Variants in NISCH observed in about 807,000 individuals in gnomAD.
NISCH encodes nischarin, also known as I-1 receptor candidate protein.
NISCH carries 55 observed loss-of-function variants against 138.4 expected under a neutral mutation model. The observed-to-expected ratio is 0.40, with a 90% CI of 0.32 to 0.50. The LOEUF (loss-of-function observed/expected upper bound fraction) is 0.50. NISCH is among the 20% of genes least tolerant of loss of function. NISCH has a pLI of 0.71. For synonymous variants in NISCH, 860 were observed against 861.5 expected (o/e 1.00, Z 0.03); for missense variants, 1,643 against 2,005.5 (o/e 0.82, Z 3.45).
At chr3:52,465,928 GA>G (rs1312958708) in intron 3 of NISCH, among the ~76,000 whole-genome samples, 1 of 152,212 alleles carries the variant, frequency 6.6e-6, no homozygotes, top group African/African-American at 2.4e-5. Context: ...GTTCGGGAAA[GA>G]AAAGGAATTC....
In NISCH at chr3:52,464,517, CTTTTTTTTTTT is replaced by C. The variant is rs71084185; in HGVS notation, c.360+5688_360+5698del. Among the ~76,000 whole-genome samples, 4 of 75,820 alleles carry C rather than the reference CTTTTTTTTTTT, an allele frequency of 5.3e-5. No individual in the cohort carries two copies. In the Admixed American group the frequency reaches 6.6e-4, roughly 13 times the overall value. The allele number at this position is 75,820 out of a possible 152,430, so 49.7% of individuals were successfully genotyped here. Reference sequence around the variant, plus strand: ...TACTTTTTCACATTCTGTGAGTTGTCTTTTTTTTTTTTTTTTTTTTTTTTTGAGACAGATTC... The same window carrying C: ...TACTTTTTCACATTCTGTGAGTTGTCTTTTTTTTTTTTTTGAGACAGATTC... On this transcript the variant is annotated intron_variant, in intron 3 of 20. Transcript: ENST00000345716.
intron 3 of NISCH, among the ~76,000 whole-genome samples, chr3:52,461,951 A>G (rs1324006498): frequency 2.0e-5 from 3 of 152,030 alleles, no homozygotes; most frequent in Non-Finnish European, 4.4e-5. Flanking sequence ...CTTTGACGGT[A>G]TTAATTCCTT....
Position 52,488,169 on chromosome 3 carries a change from T to C in NISCH, c.2677T>C (p.Ser893Pro), listed in dbSNP as rs770597830. The C allele has an allele frequency of 6.2e-7, 1 of 1,613,326 alleles. No individual in the cohort carries two copies. The highest frequency in any genetic ancestry group is 1.3e-5 in the African/African-American group (1 of 75,032). Reference protein sequence around the residue: ...SCTLCSAVRRSCCAPSEAVKS... With the variant: ...SCTLCSAVRRPCCAPSEAVKS... The stretch of plus-strand genomic sequence containing the variant: ...CACACTCTGTTCAGCCGTGCGGCGC[T>C]CCTGCTGCGCGCCCTCTGAGGCCGT... Residue 893 changes from serine to proline, a missense_variant, in exon 16 of 21, where the codon TCC becomes CCC. Ser to Pro is a moderately conservative substitution (Grantham distance 74). Transcript: ENST00000345716.
intron 13 of NISCH, chr3:52,481,859 C>T: frequency 2.0e-6 from 2 of 985,544 alleles, no homozygotes; most frequent in Non-Finnish European, 2.4e-6. Context: ...CGCTGGACTT[C>T]TGGACATGGC....
intron 11 of NISCH, among the ~76,000 whole-genome samples, chr3:52,479,283 ACTCC>A (rs2153231391): frequency 6.7e-6 from 1 of 149,386 alleles, no homozygotes; most frequent in South Asian, 2.2e-4. Flanking sequence ...GCCAGCCACC[ACTCC>A]CTCCCACATT....
intron 18 of NISCH, 38 bp downstream of exon 18, chr3:52,490,269 T>G (rs1270034850): frequency 1.2e-6 from 2 of 1,604,164 alleles, no homozygotes; most frequent in Non-Finnish European, 1.7e-6. Context: ...GAGCTTGGAG[T>G]GTGTGGTTGG....
rs767543821 is a variant in NISCH at position 52,480,218 on chromosome 3, G to A, written c.1451G>A (p.Cys484Tyr). Reference sequence around the variant, plus strand: ...GACTCCCGGCTCTCAGCTGCCCCCTGCATCAGACCCAGCAGCTCCCCTCCC... The same window carrying A: ...GACTCCCGGCTCTCAGCTGCCCCCTACATCAGACCCAGCAGCTCCCCTCCC... ...GEDSRLSAAPCIRPSSSPPTV... is the reference protein window; with the variant it reads ...GEDSRLSAAPYIRPSSSPPTV... Residue 484 changes from cysteine to tyrosine, a missense_variant, in exon 13 of 21, where the codon TGC (cysteine) becomes TAC (tyrosine). Coordinates refer to ENST00000345716, the MANE Select transcript of NISCH (RefSeq NM_007184.4). 1 of 1,613,914 alleles carries A rather than the reference G, an allele frequency of 6.2e-7. No homozygotes were observed. The highest frequency in any genetic ancestry group is 1.1e-5 in the South Asian group (1 of 91,080).
At chr3:52,478,385 G>A (rs1271484863) in intron 10 of NISCH, 64 bp from the exon 11 acceptor site, 20 of 1,609,718 alleles carry the variant, frequency 1.2e-5, no homozygotes, top group Admixed American at 3.3e-5. Flanking sequence ...ACCATGAAAC[G>A]TGTTGGCGTG....
intron 17 of NISCH, 155 bp from the exon 18 acceptor site, chr3:52,489,920 C>T: frequency 8.3e-7 from 1 of 1,204,480 alleles, no homozygotes; most frequent in South Asian, 1.5e-5. Flanking sequence ...CAACAGCCAT[C>T]TCCCACCCCT....
At chr3:52,479,968 G>C (rs1707220944) in intron 12 of NISCH, 106 bp downstream of exon 12, 1 of 1,023,372 alleles carries the variant, frequency 9.8e-7, no homozygotes. Context: ...CCGAGTCCCA[G>C]CTGCGCCCCT....
At chr3:52,461,634 C>A (rs1048289909) in intron 3 of NISCH, among the ~76,000 whole-genome samples, 1 of 152,054 alleles carries the variant, frequency 6.6e-6, no homozygotes. Flanking sequence ...GAGGCCGAGG[C>A]GGGTGGATCA....
At chr3:52,472,434 C>T (rs760109697) in intron 6 of NISCH, 36 bp downstream of exon 6, 1 of 1,534,118 alleles carries the variant, frequency 6.5e-7, no homozygotes, top group South Asian at 1.1e-5. Flanking sequence ...CTCTCGCTCC[C>T]AACTCAGAGG....
Position 52,492,297 on chromosome 3 carries a change from G to A in NISCH, c.4330G>A (p.Gly1444Ser). The A allele has an allele frequency of 6.2e-7, 1 of 1,613,392 alleles. No homozygotes were observed. Among genetic ancestry groups the A allele is most frequent in the Non-Finnish European group, 8.5e-7 (1 of 1,180,046 alleles). Reference sequence around the variant, plus strand: ...TGACGTGCAAGGTCATGACCTCATGGGCAGTGTCACCCTGGACCACTTTGG... The same window carrying A: ...TGACGTGCAAGGTCATGACCTCATGAGCAGTGTCACCCTGGACCACTTTGG... ...FDDVQGHDLM[G>S]SVTLDHFGEV... The change falls in exon 21 of 21, where the codon GGC (glycine) becomes AGC (serine). Residue 1444 changes from glycine (G) to serine (S), a missense_variant. Physicochemically the swap from Gly to Ser is moderately conservative, Grantham distance 56 (BLOSUM62 0). Transcript: ENST00000345716.
intron 7 of NISCH, 153 bp from the exon 8 acceptor site, chr3:52,476,294 A>G: frequency 1.3e-6 from 1 of 767,810 alleles, no homozygotes; most frequent in South Asian, 1.8e-5. Flanking sequence ...CAATCGTTTA[A>G]AGACATAGGA....
intron 9 of NISCH, 36 bp from the exon 10 acceptor site, chr3:52,478,061 C>T (rs757978979): frequency 1.2e-6 from 2 of 1,608,406 alleles, no homozygotes; most frequent in Non-Finnish European, 1.7e-6. Context: ...GAGACTTGAC[C>T]TGAGCCACTT....
In NISCH at chr3:52,471,877, C is replaced by A; in HGVS notation, c.473C>A (p.Thr158Lys). 1 of 1,613,594 alleles carries A rather than the reference C, an allele frequency of 6.2e-7. No individual in the cohort carries two copies. Residue 158 changes from threonine to lysine, a missense_variant, in exon 5 of 21, where the codon ACG (threonine) becomes AAG (lysine). Physicochemically the swap from Thr to Lys is moderately conservative, Grantham distance 78 (BLOSUM62 -1). Coordinates refer to ENST00000345716, the MANE Select transcript of NISCH (RefSeq NM_007184.4). ...AIGPLQLYAV[T>K]EQLQQGKPTC... is the part of the protein sequence containing the mutation. Reference sequence around the variant, plus strand: ...GGACCCCTGCAGCTGTATGCCGTCACGGAGCAGCTGCAGCAGGGAAAGCCC... The same window carrying A: ...GGACCCCTGCAGCTGTATGCCGTCAAGGAGCAGCTGCAGCAGGGAAAGCCC...
intron 9 of NISCH, chr3:52,477,846 CATG>C: frequency 1.6e-6 from 1 of 624,102 alleles, no homozygotes; most frequent in Non-Finnish European, 2.8e-6. Flanking sequence ...ACAAACCAGG[CATG>C]ATGATGCACC....
chr3:52,482,184 G>A (rs968918042), intron 13 of NISCH, among the ~76,000 whole-genome samples: 7 of 152,150 alleles, frequency 4.6e-5, no homozygotes, highest in Non-Finnish European at 1.0e-4. Context: ...CGTGTTCCTG[G>A]GTCTTGCCTG....
chr3:52,492,558 A>G lies in NISCH; in HGVS notation c.*76A>G. The stretch of plus-strand genomic sequence containing the variant: ...GGCAGCAGGCTTTTGTGTTCTCTAA[A>G]AATGTTTTATCCTCCCTTTGGTACC... On this transcript the variant is annotated 3_prime_UTR_variant, in exon 21 of 21. Coordinates refer to ENST00000345716, the MANE Select transcript of NISCH (RefSeq NM_007184.4). The G allele has an allele frequency of 2.1e-6, 3 of 1,461,096 alleles. No individual in the cohort carries two copies. Among genetic ancestry groups the G allele is most frequent in the Non-Finnish European group, 2.7e-6 (3 of 1,109,064 alleles). 90.5% of individuals were successfully genotyped at this position (1,461,096 alleles called of 1,614,324 possible).
Sources: allele counts gnomAD v4.1 joint callset (sites outside exome capture counted in the v4.1 genomes callset), GRCh38; gene constraint gnomAD v4.1.1; transcripts MANE v1.5; gene names NCBI Gene and HGNC (gene_info 2026-07-23, HGNC 2026-07-21).